Variants in ROBO1 observed in about 807,000 individuals in gnomAD.
The protein encoded by ROBO1 is roundabout guidance receptor 1.
In ROBO1, 149 loss-of-function variants were observed where a neutral mutation model predicts 195.9. The observed-to-expected ratio is 0.76, with a 90% confidence interval of 0.67 to 0.87. ROBO1 has a LOEUF of 0.87. Ranked by LOEUF, ROBO1 falls within the 40% of genes least tolerant of loss-of-function variation. ROBO1 has a pLI of 0.00. For missense variants in ROBO1, 1,933 were observed against 2,068.3 expected, an observed-to-expected ratio of 0.93 and a Z score of 1.27; for synonymous variants, 816 against 733.2, an observed-to-expected ratio of 1.11 and a Z score of -1.82.
At chr3:79,514,523 G>T (rs182568570) in intron 2 of ROBO1, among the ~76,000 whole-genome samples, 1 of 152,090 alleles carries the variant, frequency 6.6e-6, no homozygotes, top group Non-Finnish European at 1.5e-5. Flanking sequence ...GTTCTCTGGG[G>T]TCCAATGCAT....
intron 2 of ROBO1, among the ~76,000 whole-genome samples, chr3:79,356,332 C>G (rs1577015676): frequency 6.6e-6 from 1 of 152,144 alleles, no homozygotes; most frequent in Non-Finnish European, 1.5e-5. Context: ...CAGAGTGAGA[C>G]TCTGTCTAAA....
intron 3 of ROBO1, among the ~76,000 whole-genome samples, chr3:78,962,312 C>T (rs1389400203): frequency 3.9e-5 from 6 of 152,142 alleles, no homozygotes; most frequent in Non-Finnish European, 8.8e-5. Context: ...AAGATATAAA[C>T]GCAACAGTCT....
At chr3:79,671,022 T>G (rs916556253) in intron 1 of ROBO1, among the ~76,000 whole-genome samples, 1 of 151,946 alleles carries the variant, frequency 6.6e-6, no homozygotes, top group East Asian at 1.9e-4. Context: ...CATGGGTAAA[T>G]ACATTGTGAG....
At chr3:79,413,188 C>A (rs184416628) in intron 2 of ROBO1, among the ~76,000 whole-genome samples, 10 of 151,906 alleles carry the variant, frequency 6.6e-5, no homozygotes, top group Admixed American at 6.6e-4. Context: ...TTAAAGAGCT[C>A]ACATGGCTGC....
rs556660005 is a variant in ROBO1 at position 79,713,048 on chromosome 3, G to T, written c.-51+54704C>A. ...CCCATCAACATGTCATTTACATTAG[G>T]TATTTCTCCTAATGCTATCCCTCCC... On this transcript the variant is annotated intron_variant, in intron 1 of 30. Coordinates refer to ENST00000464233, the MANE Select transcript of ROBO1 (RefSeq NM_002941.4). Among the ~76,000 whole-genome samples the T allele has an allele frequency of 1.1e-4, 17 of 151,942 alleles. No homozygotes were observed. The South Asian group carries it at 3.3e-3, about 30-fold the overall frequency.
chr3:78,784,899 T>G (rs1312101629), intron 4 of ROBO1, among the ~76,000 whole-genome samples: 1 of 152,202 alleles, frequency 6.6e-6, no homozygotes, highest in African/African-American at 2.4e-5. Flanking sequence ...CATGTTCATC[T>G]AGATGACTAC....
chr3:79,076,248 A>G (rs933702402), intron 3 of ROBO1, among the ~76,000 whole-genome samples: 5 of 146,124 alleles, frequency 3.4e-5, no homozygotes, highest in Admixed American at 1.4e-4. Flanking sequence ...AAATATAAGT[A>G]TATATATATA....
At chr3:78,854,745 C>T (rs1395022622) in intron 4 of ROBO1, among the ~76,000 whole-genome samples, 1 of 151,896 alleles carries the variant, frequency 6.6e-6, no homozygotes, top group African/African-American at 2.4e-5. Flanking sequence ...AGGTGATACA[C>T]GTTGGCAATT....
intron 2 of ROBO1, among the ~76,000 whole-genome samples, chr3:79,433,813 T>G (rs1288820226): frequency 6.6e-6 from 1 of 152,176 alleles, no homozygotes; most frequent in Non-Finnish European, 1.5e-5. Context: ...ACTACAAGGC[T>G]ACAGTAACCA....
At chr3:79,443,862 A>G (rs2039142579) in intron 2 of ROBO1, among the ~76,000 whole-genome samples, 2 of 152,128 alleles carry the variant, frequency 1.3e-5, no homozygotes, top group African/African-American at 2.4e-5. Context: ...GAGATAGAGC[A>G]CACAGGGAAA....
At chr3:78,880,479 T>TA (rs145057729) in intron 4 of ROBO1, among the ~76,000 whole-genome samples, 5,908 of 151,446 alleles carry the variant, frequency 0.039, 332 homozygotes, top group African/African-American at 0.13. Context: ...GGCACAAAGT[T>TA]AAAAAAAAAT....
At chr3:79,249,044 T>C (rs1335019458) in intron 2 of ROBO1, among the ~76,000 whole-genome samples, 4 of 152,206 alleles carry the variant, frequency 2.6e-5, no homozygotes, top group African/African-American at 9.6e-5. Context: ...GAAATCTACC[T>C]GTTATCCTGT....
chr3:79,163,547 A>G (rs1221641750), intron 2 of ROBO1, among the ~76,000 whole-genome samples: 1 of 152,108 alleles, frequency 6.6e-6, no homozygotes, highest in Non-Finnish European at 1.5e-5. Context: ...TATACCCAAA[A>G]GTGGAATTGG....
chr3:78,705,816 A>G (rs1021998609), intron 8 of ROBO1, among the ~76,000 whole-genome samples: 7 of 152,120 alleles, frequency 4.6e-5, no homozygotes, highest in South Asian at 2.1e-4. Context: ...TGCTCCCCCA[A>G]TGTTAGAATT....
chr3:78,915,748 T>C (rs1398588316), intron 4 of ROBO1, among the ~76,000 whole-genome samples: 3 of 152,048 alleles, frequency 2.0e-5, no homozygotes, highest in Admixed American at 2.0e-4. Flanking sequence ...TGATCACAGC[T>C]CCCTGCAGCT....
chr3:79,449,503 C>T (rs990325760), intron 2 of ROBO1, among the ~76,000 whole-genome samples: 5 of 152,080 alleles, frequency 3.3e-5, no homozygotes, highest in South Asian at 2.1e-4. Context: ...AAAATAAAAA[C>T]GACCCTGTGT....
chr3:79,119,347 T>A (rs1174999027), intron 3 of ROBO1, among the ~76,000 whole-genome samples: 1 of 152,182 alleles, frequency 6.6e-6, no homozygotes, highest in African/African-American at 2.4e-5. Context: ...CTACCTATTG[T>A]CCATTATTAT....
At position 78,746,849 on chromosome 3, in the gene ROBO1, C is replaced by T. The variant is rs1379939348; in HGVS notation, c.551G>A (p.Gly184Glu). ...QNPSDVMVAVGEPAVMECQPP... is the reference protein window; with the variant it reads ...QNPSDVMVAVEEPAVMECQPP... ...TTGGCATTCCATTACTGCAGGCTCT[C>T]CTACTGCAACCATGACATCCGAAGG... Residue 184 changes from glycine to glutamate, a missense_variant, in exon 5 of 31, where the codon GGA becomes GAA. Around this residue, in one of 3 missense-constraint regions of ROBO1, gnomAD observed 1,737 missense variants for 1,882.5 expected, o/e 0.92. Transcript: ENST00000464233. 2 of 1,593,390 alleles carry T rather than the reference C, an allele frequency of 1.3e-6. No individual in the cohort carries two copies. The highest frequency in any genetic ancestry group is 2.2e-5 in the East Asian group (1 of 44,614).
intron 1 of ROBO1, among the ~76,000 whole-genome samples, chr3:79,615,810 C>T (rs185586569): frequency 7.9e-5 from 12 of 152,226 alleles, no homozygotes; most frequent in Admixed American, 5.9e-4. Flanking sequence ...GCAATATTTG[C>T]ACAAAAATGA....
Sources: allele counts gnomAD v4.1 joint callset (sites outside exome capture counted in the v4.1 genomes callset), GRCh38; gene constraint gnomAD v4.1.1; regional missense constraint gnomAD v4.1.1; transcripts MANE v1.5; gene names NCBI Gene and HGNC (gene_info 2026-07-23, HGNC 2026-07-21).